The following PTPRT variants were observed in gnomAD, a reference collection of about 807,000 sequenced individuals.
PTPRT encodes protein tyrosine phosphatase receptor type T.
A neutral mutation model predicts 176.8 loss-of-function variants in PTPRT; 56 were observed. The ratio of observed to expected loss-of-function variants is 0.32; its 90% CI spans 0.26 to 0.40. PTPRT has a LOEUF of 0.40. Ranked by LOEUF, PTPRT falls within the 10% of genes least tolerant of loss-of-function variation. The probability of loss-of-function intolerance (pLI) is 1.00; values close to 1 mark genes in which losing one functional copy is unlikely to be tolerated. For synonymous variants in PTPRT, 783 were observed against 739.0 expected, an observed-to-expected ratio of 1.06 and a Z score of -0.96; for missense variants, 1,540 against 1,908.2, an observed-to-expected ratio of 0.81 and a Z score of 3.60.
chr20:42,438,831 A>G (rs1010053583), intron 9 of PTPRT, among the ~76,000 whole-genome samples: 4 of 152,198 alleles, frequency 2.6e-5, no homozygotes, highest in African/African-American at 9.6e-5. Context: ...TTCCACTGTC[A>G]AGTTACCTGG....
intron 12 of PTPRT, among the ~76,000 whole-genome samples, chr20:42,292,264 A>T (rs1191047457): frequency 2.6e-5 from 4 of 151,070 alleles, no homozygotes; most frequent in African/African-American, 9.7e-5. Context: ...AATGGGACTC[A>T]CTCACTTAAC....
At chr20:42,979,963 G>T (rs1222320694) in intron 1 of PTPRT, among the ~76,000 whole-genome samples, 1 of 127,404 alleles carries the variant, frequency 7.8e-6, no homozygotes, top group Non-Finnish European at 1.6e-5. Flanking sequence ...CGGAGAGCAT[G>T]CAAGTATGCC....
chr20:42,973,707 C>CA (rs1982787170), intron 1 of PTPRT, among the ~76,000 whole-genome samples: 1 of 152,134 alleles, frequency 6.6e-6, no homozygotes. Flanking sequence ...GCTAAAGCCT[C>CA]AAAGAGTATG....
At chr20:42,717,311 C>G (rs2076240455) in intron 6 of PTPRT, among the ~76,000 whole-genome samples, 1 of 151,546 alleles carries the variant, frequency 6.6e-6, no homozygotes, top group Non-Finnish European at 1.5e-5. Context: ...AAAAATAGAT[C>G]TACAGAAAAA....
rs1004164756 is a variant in PTPRT at position 42,383,951 on chromosome 20, G to A, written c.1561-31666C>T. On this transcript the variant is annotated intron_variant, in intron 9 of 30. Coordinates refer to ENST00000373187, the MANE Select transcript of PTPRT (RefSeq NM_007050.6). ...ATCAAACAGCAGCTGATTTTACGAC[G>A]GATTATATGTATTCTTTCTAAGTAG... is the stretch of plus-strand genomic sequence containing the variant. Among the ~76,000 whole-genome samples the A allele has an allele frequency of 6.6e-5, 10 of 152,296 alleles. No individual in the cohort carries two copies. In the East Asian group the frequency reaches 1.4e-3, roughly 21 times the overall value.
At chr20:42,256,740 T>C (rs2056648501) in intron 13 of PTPRT, among the ~76,000 whole-genome samples, 1 of 152,054 alleles carries the variant, frequency 6.6e-6, no homozygotes, top group Non-Finnish European at 1.5e-5. Flanking sequence ...TACACAGGGA[T>C]TAGGAGACAA....
rs115904088 is a variant in PTPRT, at chr20:42,873,883, A to G, written c.214+11924T>C. The stretch of plus-strand genomic sequence containing the variant: ...CCATCTTGTTTTTACTAAACTGGGG[A>G]AAAAAGACTATATTTATACTAAACT... On this transcript the variant is annotated intron_variant, in intron 2 of 30. Coordinates refer to ENST00000373187, the MANE Select transcript of PTPRT (RefSeq NM_007050.6). Among the ~76,000 whole-genome samples the G allele has an allele frequency of 8.0e-3, 1,215 of 152,314 alleles. 18 individuals are homozygous for G. Among genetic ancestry groups the G allele is most frequent in the African/African-American group, 0.028 (1,155 of 41,562 alleles).
At chr20:42,125,253 T>A (rs1987795689) in intron 19 of PTPRT, among the ~76,000 whole-genome samples, 1 of 152,208 alleles carries the variant, frequency 6.6e-6, no homozygotes, top group Non-Finnish European at 1.5e-5. Context: ...CCTTTTGGGA[T>A]CATGACAGAT....
Position 42,455,642 on chromosome 20 carries a change from A to G in PTPRT, c.1451-7313T>C, listed in dbSNP as rs1008264189. 7.8e-4 allele frequency among the ~76,000 whole-genome samples: 119 copies of G among 152,202 alleles called. 1 individual carries two copies. Among genetic ancestry groups the G allele is most frequent in the Non-Finnish European group, 5.7e-4 (39 of 68,004 alleles). On this transcript the variant is annotated intron_variant, in intron 8 of 30. Transcript: ENST00000373187. ...TTACTATGTATAACATGAGGTAGGA[A>G]TCCAATTTTAATTATTTCTCCTCAT... is the stretch of plus-strand genomic sequence containing the variant.
chr20:42,809,973 T>C (rs1027539230), intron 2 of PTPRT, among the ~76,000 whole-genome samples: 1 of 152,132 alleles, frequency 6.6e-6, no homozygotes. Context: ...CTTACCCTCA[T>C]GCTTAGACTT....
chr20:42,990,584 C>T (rs35789527), intron 1 of PTPRT, among the ~76,000 whole-genome samples: 2,718 of 152,196 alleles, frequency 0.018, 34 homozygotes, highest in South Asian at 0.068. Context: ...CTCACTGACA[C>T]TCTCACCAAA....
intron 7 of PTPRT, among the ~76,000 whole-genome samples, chr20:42,531,956 G>A (rs1416613129): frequency 6.6e-6 from 1 of 152,192 alleles, no homozygotes; most frequent in Admixed American, 6.5e-5. Context: ...GGGAAGATGA[G>A]CGTGCCCTCA....
intron 1 of PTPRT, among the ~76,000 whole-genome samples, chr20:43,105,585 G>C (rs2012570580): frequency 6.6e-6 from 1 of 152,088 alleles, no homozygotes; most frequent in African/African-American, 2.4e-5. Flanking sequence ...ATTTTTAGTA[G>C]AGACAAAGTT....
chr20:42,981,664 C>T (rs1199975525), intron 1 of PTPRT, among the ~76,000 whole-genome samples: 1 of 152,218 alleles, frequency 6.6e-6, no homozygotes, highest in Non-Finnish European at 1.5e-5. Flanking sequence ...ACTTGAGACA[C>T]ATGAGAGAAC....
chr20:42,898,905 G>A (rs1010977778), intron 1 of PTPRT, among the ~76,000 whole-genome samples: 10 of 152,200 alleles, frequency 6.6e-5, no homozygotes, highest in Admixed American at 1.3e-4. Flanking sequence ...CAGTTGAAAC[G>A]AGTGAAGATG....
intron 1 of PTPRT, among the ~76,000 whole-genome samples, chr20:42,911,381 A>T (rs1484337077): frequency 6.6e-6 from 1 of 152,200 alleles, no homozygotes; most frequent in African/African-American, 2.4e-5. Flanking sequence ...TACAGTACCT[A>T]TAAAATGTAT....
chr20:42,298,298 T>C (rs185218931), intron 12 of PTPRT, among the ~76,000 whole-genome samples: 2 of 152,332 alleles, frequency 1.3e-5, no homozygotes, highest in East Asian at 1.9e-4. Context: ...TATTGAGATA[T>C]AATTTCTTAC....
chr20:42,830,541 C>T (rs188723523), intron 2 of PTPRT, among the ~76,000 whole-genome samples: 1 of 152,256 alleles, frequency 6.6e-6, no homozygotes, highest in East Asian at 1.9e-4. Context: ...CAGTACACAA[C>T]AGGGATGCTC....
Position 42,118,940 on chromosome 20 carries a change from A to G in PTPRT, c.2885-440T>C, listed in dbSNP as rs548547064. Among the ~76,000 whole-genome samples, 18 of 151,504 alleles carry G rather than the reference A, an allele frequency of 1.2e-4. No homozygotes were observed. The South Asian group carries it at 3.4e-3, about 28-fold the overall frequency. On this transcript the variant is annotated intron_variant, in intron 20 of 30. Transcript: ENST00000373187. ...TGCAGGGTGCCAGACGCTGAGAACA[A>G]AAACAGGAGATGCCTGATTTTGTGC...
Sources: allele counts gnomAD v4.1 joint callset (sites outside exome capture counted in the v4.1 genomes callset), GRCh38; gene constraint gnomAD v4.1.1; transcripts MANE v1.5; gene names NCBI Gene and HGNC (gene_info 2026-07-23, HGNC 2026-07-21).